Variants in USP37 observed in about 807,000 individuals in gnomAD.
USP37 encodes the protein ubiquitin specific peptidase 37, also known as ubiquitin carboxyl-terminal hydrolase 37.
In USP37, 27 loss-of-function variants were observed where a neutral mutation model predicts 124.0. That is an observed-to-expected ratio of 0.22 (90% CI 0.16 to 0.30). The LOEUF is 0.30. Ranked by LOEUF, USP37 falls within the 10% of genes least tolerant of loss-of-function variation. USP37 has a pLI of 1.00. For missense variants in USP37, 889 were observed against 1,140.4 expected, an observed-to-expected ratio of 0.78 and a Z score of 3.17; for synonymous variants, 365 against 388.0, an observed-to-expected ratio of 0.94 and a Z score of 0.70.
chr2:218,530,156 AAATACAGG>A (rs1368531494), intron 9 of USP37, 116 bp from the exon 10 acceptor site: 3 of 671,126 alleles, frequency 4.5e-6, no homozygotes, highest in Non-Finnish European at 7.2e-6. Context: ...CCTTCTCATC[AAATACAGG>A]AATACCTCAT....
chr2:218,513,498 A>G (rs1363904944), intron 10 of USP37, among the ~76,000 whole-genome samples: 2 of 152,154 alleles, frequency 1.3e-5, no homozygotes, highest in South Asian at 2.1e-4. Flanking sequence ...GATAGTGAAC[A>G]TATCTATTAC....
intron 13 of USP37, among the ~76,000 whole-genome samples, chr2:218,497,176 T>G (rs1469983444): frequency 6.6e-6 from 1 of 152,084 alleles, no homozygotes; most frequent in African/African-American, 2.4e-5. Flanking sequence ...GTTCAAGAGA[T>G]TCTCCGGCCT....
chr2:218,479,678 A>C lies in USP37; in HGVS notation c.1873T>G (p.Cys625Gly). ...GAAGGTGTAGAAGGGCTGGTGATGC[A>C]GGAATTCACCATTTGAGAGGCTTTC... is the stretch of plus-strand genomic sequence containing the variant. Reference protein sequence around the residue: ...PLKASQMVNSCITSPSTPSKK... With the variant: ...PLKASQMVNSGITSPSTPSKK... Residue 625 changes from cysteine (C) to glycine (G), a missense_variant, in exon 18 of 26, where the codon TGC (cysteine) becomes GGC (glycine). By Grantham distance (159) the Cys-to-Gly change is radical (BLOSUM62 -3). Coordinates refer to ENST00000258399, the MANE Select transcript of USP37 (RefSeq NM_020935.3). 6.2e-7 allele frequency: 1 copy of C among 1,612,528 alleles called. No individual in the cohort carries two copies. Among genetic ancestry groups the C allele is most frequent in the South Asian group, 1.1e-5 (1 of 91,016 alleles).
At chr2:218,476,713 A>C in intron 19 of USP37, 127 bp downstream of exon 19, 1 of 1,065,998 alleles carries the variant, frequency 9.4e-7, no homozygotes, top group South Asian at 2.6e-5. Context: ...AAACAGACTG[A>C]TTTCTGTAGC....
chr2:218,549,929 T>C lies in USP37; in HGVS notation c.329-20A>G, dbSNP rs570931877. The stretch of plus-strand genomic sequence containing the variant: ...TCATGGCTGGTGACCAAAAATATAA[T>C]TTTTTTTAAAATCCCCAAATCACTC... On this transcript the variant is annotated intron_variant, in intron 5 of 25. Transcript: ENST00000258399. 1.3e-6 allele frequency: 2 copies of C among 1,549,824 alleles called. No homozygotes were observed. The highest frequency in any genetic ancestry group is 1.4e-5 in the African/African-American group (1 of 72,210).
chr2:218,455,929 C>T (rs1689676163), intron 24 of USP37, among the ~76,000 whole-genome samples: 2 of 151,936 alleles, frequency 1.3e-5, no homozygotes, highest in Non-Finnish European at 2.9e-5. Context: ...GCCTGTAGTC[C>T]CAGCTACTCA....
intron 25 of USP37, 134 bp downstream of exon 25, chr2:218,455,446 C>T: frequency 2.6e-6 from 3 of 1,160,434 alleles, no homozygotes; most frequent in South Asian, 1.6e-5. Context: ...TAGACCCTAA[C>T]CAAAGATGAT....
chr2:218,530,040 C>T lies in USP37; in HGVS notation c.779G>A (p.Gly260Glu), dbSNP rs1313641490. The change falls in exon 10 of 26, where the codon GGG becomes GAG. Residue 260 changes from glycine to glutamate, a missense_variant and splice_region_variant. Transcript: ENST00000258399. ...LKQSEENRTS[G>E]LLPLQSSSFY... ...GGATGATGACTGTAAAGGTAAAAGC[C>T]CTATAAAACAAATGAACAAAGGAAA... 2.2e-5 allele frequency: 35 copies of T among 1,590,914 alleles called. No individual in the cohort carries two copies. Among genetic ancestry groups the T allele is most frequent in the Non-Finnish European group, 2.9e-5 (34 of 1,173,816 alleles).
intron 20 of USP37, among the ~76,000 whole-genome samples, chr2:218,474,172 A>G (rs1477601074): frequency 1.3e-5 from 2 of 152,240 alleles, no homozygotes; most frequent in Admixed American, 6.5e-5. Flanking sequence ...CTCAGAACTG[A>G]CACAAACATA....
intron 9 of USP37, among the ~76,000 whole-genome samples, chr2:218,530,602 G>C (rs1005500916): frequency 1.3e-5 from 2 of 152,106 alleles, no homozygotes; most frequent in Non-Finnish European, 2.9e-5. Context: ...GTGTTTTTAA[G>C]TGAAAAGAAG....
intron 20 of USP37, among the ~76,000 whole-genome samples, chr2:218,471,932 AGG>A (rs1690712569): frequency 6.6e-6 from 1 of 151,890 alleles, no homozygotes; most frequent in South Asian, 2.1e-4. Context: ...CGGGAGGCTG[AGG>A]CAGGAGAATC....
intron 8 of USP37, among the ~76,000 whole-genome samples, chr2:218,543,126 T>G (rs1416762625): frequency 2.0e-5 from 3 of 152,224 alleles, no homozygotes; most frequent in African/African-American, 7.2e-5. Context: ...TCTGTGTTAG[T>G]GCTTCTTATT....
At chr2:218,495,726 TA>T in intron 14 of USP37, 33 bp downstream of exon 14, 1 of 1,564,782 alleles carries the variant, frequency 6.4e-7, no homozygotes, top group South Asian at 1.2e-5. Flanking sequence ...CATAAAGAAG[TA>T]AAAAGGGAAA....
chr2:218,503,380 T>TA (rs1689496687), intron 11 of USP37, among the ~76,000 whole-genome samples: 1 of 152,194 alleles, frequency 6.6e-6, no homozygotes, highest in African/African-American at 2.4e-5. Flanking sequence ...TTTAAGGCTG[T>TA]AAAAAAATCC....
At chr2:218,560,166 C>T (rs530698253) in intron 3 of USP37, among the ~76,000 whole-genome samples, 2 of 152,242 alleles carry the variant, frequency 1.3e-5, no homozygotes, top group African/African-American at 4.8e-5. Context: ...ATTGCGAACT[C>T]AAATTTTATA....
chr2:218,502,486 G>A (rs1689443376), intron 11 of USP37, among the ~76,000 whole-genome samples: 1 of 151,798 alleles, frequency 6.6e-6, no homozygotes, highest in African/African-American at 2.4e-5. Context: ...CCAGAGAGAA[G>A]AGTCAGAAAA....
chr2:218,561,627 C>T (rs1693315595), intron 2 of USP37, among the ~76,000 whole-genome samples: 1 of 149,878 alleles, frequency 6.7e-6, no homozygotes, highest in African/African-American at 2.5e-5. Context: ...CACTGCACTC[C>T]AGCCTGGAGC....
At chr2:218,539,610 G>A (rs952702568) in intron 8 of USP37, among the ~76,000 whole-genome samples, 3 of 152,168 alleles carry the variant, frequency 2.0e-5, no homozygotes, top group South Asian at 4.2e-4. Flanking sequence ...AGCTGCCTGG[G>A]AGGCTGAGGT....
chr2:218,482,733 A>G (rs1438988639), intron 16 of USP37, among the ~76,000 whole-genome samples: 2 of 152,228 alleles, frequency 1.3e-5, no homozygotes, highest in Non-Finnish European at 2.9e-5. Flanking sequence ...TAGAAAGCTA[A>G]GGAGGAAATA....
Sources: allele counts gnomAD v4.1 joint callset (sites outside exome capture counted in the v4.1 genomes callset), GRCh38; gene constraint gnomAD v4.1.1; transcripts MANE v1.5; gene names NCBI Gene and HGNC (gene_info 2026-07-23, HGNC 2026-07-21).